Variants in MCF2L observed in about 807,000 individuals in gnomAD.
MCF2L encodes the protein MCF.2 cell line derived transforming sequence like, also known as guanine nucleotide exchange factor DBS.
MCF2L carries 97 observed loss-of-function variants against 153.4 expected under a neutral mutation model. That is an observed-to-expected ratio of 0.63 (90% confidence interval 0.54 to 0.75). The LOEUF is 0.75. Ranked by LOEUF, MCF2L falls within the 30% of genes least tolerant of loss-of-function variation. The pLI, the probability that MCF2L is intolerant of heterozygous loss-of-function variation, is 0.00. For synonymous variants in MCF2L, 659 were observed against 632.2 expected (o/e 1.04, Z -0.64); for missense variants, 1,347 against 1,495.2 (o/e 0.90, Z 1.64).
chr13:113,034,601 G>GGTCTCACCCTCA (rs2086020772), intron 3 of MCF2L, among the ~76,000 whole-genome samples: 1 of 148,498 alleles, frequency 6.7e-6, no homozygotes, highest in Non-Finnish European at 1.5e-5. Context: ...TCTCACCCTC[G>GGTCTCACCCTCA]CCCTCACCCT....
rs1412655400 is a variant in MCF2L, at chr13:113,064,453, A to T, written c.606+33A>T. ...GCGTCGGGGCCAGCGGGGCTGGCTG[A>T]TACCAGCTCGAGTACTTCCACAGAA... On this transcript the variant is annotated intron_variant, in intron 6 of 29. Coordinates refer to ENST00000535094, the MANE Select transcript of MCF2L (RefSeq NM_001112732.3). The surrounding 1 kb of genome is among the most constrained non-coding windows in gnomAD (Gnocchi z 6.0). The T allele has an allele frequency of 7.2e-7, 1 of 1,389,860 alleles. No homozygotes were observed. Among genetic ancestry groups the T allele is most frequent in the African/African-American group, 1.4e-5 (1 of 70,744 alleles). 86.1% of individuals were successfully genotyped at this position (1,389,860 alleles called of 1,614,324 possible). A position where few individuals can be genotyped will look rare whatever the true frequency, so the allele number is the denominator to read the frequency against.
chr13:112,906,958 G>A (rs946034235), intron 2 of MCF2L, among the ~76,000 whole-genome samples: 2 of 152,164 alleles, frequency 1.3e-5, no homozygotes, highest in Admixed American at 1.3e-4. Context: ...AAGAACAAGT[G>A]GAAGACAATC....
chr13:112,933,382 T>C (rs2081483525), intron 2 of MCF2L, among the ~76,000 whole-genome samples: 1 of 152,220 alleles, frequency 6.6e-6, no homozygotes, highest in Non-Finnish European at 1.5e-5. Flanking sequence ...GCCCTGCATC[T>C]GCTCTCCCAG....
rs1358261354 is a variant in MCF2L, at chr13:112,993,515, G to A, written c.80-21248G>A. Among the ~76,000 whole-genome samples the A allele has an allele frequency of 7.2e-5, 11 of 152,274 alleles. No homozygotes were observed. Among genetic ancestry groups the A allele is most frequent in the Middle Eastern group, 3.4e-3 (1 of 294 alleles). On this transcript the variant is annotated intron_variant, in intron 1 of 29. Transcript: ENST00000535094. The surrounding 1 kb of genome is among the most constrained non-coding windows in gnomAD (Gnocchi z 4.6). Reference sequence around the variant, plus strand: ...TTAGGACCACCCTAGTCGTTCAGGCGTGGGATGAGGCTCCAGGATCGCAGC... The same window carrying A: ...TTAGGACCACCCTAGTCGTTCAGGCATGGGATGAGGCTCCAGGATCGCAGC...
rs199526622 is a variant in MCF2L at position 113,074,984 on chromosome 13, G to A, written c.1117-14G>A. 6.9e-6 allele frequency: 11 copies of A among 1,588,876 alleles called. No homozygotes were observed. In the African/African-American group the frequency reaches 1.3e-4, roughly 19 times the overall value. ...AAAGAGGCCTGAGCTGGTCCTCTGG[G>A]TGGCCGTCCACAGGTGGCCGTGGAG... On this transcript the variant is annotated splice_polypyrimidine_tract_variant and intron_variant, in intron 10 of 29. Coordinates refer to ENST00000535094, the MANE Select transcript of MCF2L (RefSeq NM_001112732.3). This position sits in a 1 kb window ranked among gnomAD's most constrained non-coding sequence, Gnocchi z 4.2.
chr13:112,923,713 C>A (rs901667881), intron 2 of MCF2L, among the ~76,000 whole-genome samples: 3 of 152,186 alleles, frequency 2.0e-5, no homozygotes, highest in African/African-American at 7.2e-5. Context: ...ACACACTCTT[C>A]TCTAATCACT....
Position 113,096,534 on chromosome 13 carries a change from C to T in MCF2L, c.3189-16C>T. The T allele has an allele frequency of 6.3e-7, 1 of 1,595,668 alleles. No homozygotes were observed. The highest frequency in any genetic ancestry group is 8.5e-7 in the Non-Finnish European group (1 of 1,172,916). ...CTGCCCCGCACGTGGCTGCCGCTGA[C>T]CCTCGCCCCTTGCAGGTACGTCAGG... On this transcript the variant is annotated splice_polypyrimidine_tract_variant and intron_variant, in intron 28 of 29. Transcript: ENST00000535094.
chr13:112,901,828 G>A (rs1337693128), intron 1 of MCF2L, among the ~76,000 whole-genome samples: 4 of 152,168 alleles, frequency 2.6e-5, no homozygotes, highest in South Asian at 2.1e-4. Context: ...TTGCCAGTTC[G>A]GCGAATTAGA....
chr13:113,050,245 C>T (rs35379777), intron 4 of MCF2L, among the ~76,000 whole-genome samples: 39,376 of 148,986 alleles, frequency 0.26, 5,268 homozygotes, highest in Middle Eastern at 0.34. Context: ...AGTGTGTGCG[C>T]GAGTGGGAGT....
In MCF2L at chr13:112,902,248, AAC is replaced by A. The variant is rs774818681; in HGVS notation, c.48_49del (p.Asn16LysfsTer10). 3 of 1,612,892 alleles carry A rather than the reference AAC, an allele frequency of 1.9e-6. No homozygotes were observed. The highest frequency in any genetic ancestry group is 2.5e-6 in the Non-Finnish European group (3 of 1,179,886). On this transcript the variant is annotated frameshift_variant, in exon 2 of 30. Coordinates refer to the MCF2L transcript ENST00000375608. LOFTEE classifies it high-confidence loss of function. The stretch of plus-strand genomic sequence containing the variant: ...TATCCTGTGCAAGAGACCTGGAAGC[AAC>A]AGTTATTCTTCCCCACAACGGCCCA...
chr13:113,055,358 TG>T (rs1266672495), intron 4 of MCF2L, among the ~76,000 whole-genome samples: 1 of 118,738 alleles, frequency 8.4e-6, no homozygotes, highest in Non-Finnish European at 1.6e-5. Context: ...TTGCACCTGC[TG>T]GAGACGTGGA....
chr13:113,050,194 G>A (rs538167551), intron 4 of MCF2L, among the ~76,000 whole-genome samples: 23 of 151,848 alleles, frequency 1.5e-4, no homozygotes, highest in African/African-American at 4.8e-4. Context: ...GTGTGCGAGC[G>A]AGTGGGAGTG....
At chr13:113,030,436 G>A (rs1311253278) in intron 3 of MCF2L, among the ~76,000 whole-genome samples, 1 of 144,004 alleles carries the variant, frequency 6.9e-6, no homozygotes, top group Non-Finnish European at 1.5e-5. Flanking sequence ...GACGCCCGGT[G>A]TGGACTCTCA....
chr13:112,913,310 A>ATG (rs1300607958), intron 2 of MCF2L, among the ~76,000 whole-genome samples: 1 of 151,544 alleles, frequency 6.6e-6, no homozygotes, highest in Non-Finnish European at 1.5e-5. Flanking sequence ...GTCTGTGTTT[A>ATG]TGTGTGTGTG....
intron 1 of MCF2L, among the ~76,000 whole-genome samples, chr13:112,986,320 C>G (rs952093739): frequency 3.9e-5 from 6 of 152,268 alleles, no homozygotes; most frequent in Admixed American, 2.0e-4. Flanking sequence ...TGCATCCACT[C>G]TCTTCTGAAC....
chr13:113,050,191 A>AGCGAGT (rs1181691818), intron 4 of MCF2L, among the ~76,000 whole-genome samples: 2 of 150,418 alleles, frequency 1.3e-5, no homozygotes, highest in Admixed American at 6.6e-5. Flanking sequence ...TGTGTGTGCG[A>AGCGAGT]GCGAGTGGGA....
chr13:112,972,228 G>C (rs762633257), intron 1 of MCF2L, among the ~76,000 whole-genome samples: 13 of 144,498 alleles, frequency 9.0e-5, no homozygotes, highest in South Asian at 2.5e-4. Context: ...TGGATGGATG[G>C]ATGAATGGGT....
chr13:113,081,468 G>A (rs2034130055), intron 16 of MCF2L, among the ~76,000 whole-genome samples, 189 bp downstream of exon 16: 1 of 152,278 alleles, frequency 6.6e-6, no homozygotes, highest in Non-Finnish European at 1.5e-5. Context: ...ACACAGACCA[G>A]GCAGCTCAGG....
At chr13:112,964,756 A>G (rs2081872729), upstream of MCF2L, 1 of 152,264 alleles carries the variant, frequency 6.6e-6, no homozygotes, top group Non-Finnish European at 1.5e-5. Flanking sequence ...GTTTAAGTGA[A>G]AAATTTGTTA....
Sources: gnomAD v4.1 joint callset for allele counts (sites outside exome capture counted in the v4.1 genomes callset) on GRCh38, gnomAD v4.1.1 for gene constraint, Gnocchi (gnomAD v3.1) non-coding constraint, MANE v1.5 for transcripts, NCBI Gene and HGNC (gene_info 2026-07-23, HGNC 2026-07-21) for gene names.